HMCN1: variants seen among roughly 807,000 people sequenced by gnomAD.
The protein encoded by HMCN1 is hemicentin 1, also known as hemicentin-1.
Under a neutral mutation model 625.9 loss-of-function variants are expected in HMCN1, and 321 were observed. That is an observed-to-expected ratio of 0.51 (90% CI 0.47 to 0.56). The LOEUF (loss-of-function observed/expected upper bound fraction) is 0.56, where lower values mean the gene tolerates loss of function less well. HMCN1 is among the 20% of genes least tolerant of loss of function. HMCN1 has a pLI of 0.00. For synonymous variants in HMCN1, 2,425 were observed against 2,417.6 expected, an observed-to-expected ratio of 1.00 and a Z score of -0.09; for missense variants, 6,588 against 6,887.3, an observed-to-expected ratio of 0.96 and a Z score of 1.54.
intron 98 of HMCN1, among the ~76,000 whole-genome samples, chr1:186,165,525 C>T (rs528193557): frequency 6.6e-6 from 1 of 152,192 alleles, no homozygotes; most frequent in Non-Finnish European, 1.5e-5. Flanking sequence ...TGTGAGAGAG[C>T]CACAACATTA....
chr1:186,100,396 C>T (rs986415524), intron 68 of HMCN1, among the ~76,000 whole-genome samples: 3 of 152,050 alleles, frequency 2.0e-5, no homozygotes, highest in African/African-American at 7.2e-5. Context: ...TTAATTCTAT[C>T]CATGTGGTGG....
intron 36 of HMCN1, among the ~76,000 whole-genome samples, chr1:186,033,662 G>GTATTTAAATTGGC (rs1357803074): frequency 6.6e-6 from 1 of 151,938 alleles, no homozygotes; most frequent in Middle Eastern, 3.2e-3. Flanking sequence ...AGGGCCAATT[G>GTATTTAAATTGGC]TATTTAAAAT....
In HMCN1 at chr1:185,953,787, C is replaced by T. The variant is rs555929431; in HGVS notation, c.1829-8731C>T. Among the ~76,000 whole-genome samples the T allele has an allele frequency of 6.6e-5, 10 of 151,940 alleles. 1 individual carries two copies. Among genetic ancestry groups the T allele is most frequent in the African/African-American group, 2.2e-4 (9 of 41,266 alleles). ...TTTCATGCGCATCCGTGTGAAGAGA[C>T]CACCAAACAGGCTTTGTGTGAGCAA... On this transcript the variant is annotated intron_variant, in intron 11 of 106. Coordinates refer to ENST00000271588, the MANE Select transcript of HMCN1 (RefSeq NM_031935.3).
At position 185,996,591 on chromosome 1, in the gene HMCN1, C is replaced by T. The variant is rs150161290; in HGVS notation, c.3779-838C>T. Among the ~76,000 whole-genome samples the T allele has an allele frequency of 9.1e-3, 1,382 of 152,074 alleles. 16 individuals carry two copies. The highest frequency in any genetic ancestry group is 0.011 in the Non-Finnish European group (722 of 67,976). On this transcript the variant is annotated intron_variant, in intron 24 of 106. Coordinates refer to ENST00000271588, the MANE Select transcript of HMCN1 (RefSeq NM_031935.3). ...GTCACTCTTTTGGGAGGGAATCATT[C>T]GGCTAGAGAAGACAAGGGAAACTGG...
intron 4 of HMCN1, among the ~76,000 whole-genome samples, chr1:185,908,854 G>C (rs1666249463): frequency 6.7e-6 from 1 of 148,606 alleles, no homozygotes; most frequent in African/African-American, 2.5e-5. Flanking sequence ...TTATAATATA[G>C]TATAATACAA....
chr1:185,741,085 G>A (rs549671580), intron 1 of HMCN1, among the ~76,000 whole-genome samples: 48 of 152,236 alleles, frequency 3.2e-4, no homozygotes, highest in Admixed American at 2.6e-3. Flanking sequence ...CTTGCCATGT[G>A]ATCTCTTTGC....
chr1:185,753,017 G>A (rs764384123), intron 1 of HMCN1, among the ~76,000 whole-genome samples: 1 of 151,890 alleles, frequency 6.6e-6, no homozygotes, highest in African/African-American at 2.4e-5. Context: ...ATAATAAAAA[G>A]ATTAGTTTAA....
rs151018829 is a variant in HMCN1, at chr1:186,063,635, C to T, written c.7513+1035C>T. 3.3e-3 allele frequency among the ~76,000 whole-genome samples: 509 copies of T among 152,082 alleles called. 1 individual carries two copies. Among genetic ancestry groups the T allele is most frequent in the African/African-American group, 0.012 (484 of 41,484 alleles). On this transcript the variant is annotated intron_variant, in intron 48 of 106. Coordinates refer to ENST00000271588, the MANE Select transcript of HMCN1 (RefSeq NM_031935.3). ...TTTGTTTCCTTCCCTGTGTTTGTGCCTTCCTTTTCTTTTCCTTTTTTTCTT... is the reference window on the plus strand; with the variant it reads ...TTTGTTTCCTTCCCTGTGTTTGTGCTTTCCTTTTCTTTTCCTTTTTTTCTT...
Position 186,117,473 on chromosome 1 carries a change from G to A in HMCN1, c.11698G>A (p.Ala3900Thr). 1 of 1,613,662 alleles carries A rather than the reference G, an allele frequency of 6.2e-7. No individual in the cohort carries two copies. The highest frequency in any genetic ancestry group is 8.5e-7 in the Non-Finnish European group (1 of 1,179,754). ...DLTVQVPPSI[A>T]DEPTDFLVTK... is the part of the protein sequence containing the mutation. ...TGTTGTTTTAGTTCCACCTTCCATA[G>A]CTGATGAGCCTACAGATTTCCTAGT... The change falls in exon 77 of 107, where the codon GCT (alanine) becomes ACT (threonine). Residue 3900 changes from alanine to threonine, a missense_variant. Ala to Thr is a moderately conservative substitution (Grantham distance 58). This residue lies in a region of HMCN1 where 4,628 missense variants were observed against 4,853.1 expected (regional missense o/e 0.95). Transcript: ENST00000271588.
chr1:185,833,474 G>A (rs1660990843), intron 1 of HMCN1, among the ~76,000 whole-genome samples: 2 of 152,210 alleles, frequency 1.3e-5, no homozygotes, highest in Non-Finnish European at 2.9e-5. Context: ...ATAAAAAAGT[G>A]TCAGAAGTAG....
At chr1:186,089,455 C>G (rs1659711802) in intron 63 of HMCN1, among the ~76,000 whole-genome samples, 1 of 151,960 alleles carries the variant, frequency 6.6e-6, no homozygotes, top group Admixed American at 6.6e-5. Flanking sequence ...GTTGTGTGCT[C>G]TGCTAAAGCT....
chr1:186,041,208 A>C, intron 40 of HMCN1, 72 bp downstream of exon 40: 1 of 1,333,876 alleles, frequency 7.5e-7, no homozygotes, highest in Admixed American at 1.7e-5. Flanking sequence ...GAGAAAGTTA[A>C]GGGAAGTTGT....
chr1:185,910,830 A>C (rs1200118007), intron 5 of HMCN1, among the ~76,000 whole-genome samples: 2 of 152,016 alleles, frequency 1.3e-5, no homozygotes, highest in African/African-American at 4.8e-5. Flanking sequence ...CGGCCTCCCA[A>C]AGTGTTGGGA....
At chr1:185,934,805 A>C (rs191932755) in intron 11 of HMCN1, among the ~76,000 whole-genome samples, 1 of 152,212 alleles carries the variant, frequency 6.6e-6, no homozygotes, top group African/African-American at 2.4e-5. Context: ...AGGTTACCTA[A>C]GAAAATGACC....
chr1:186,004,468 C>T (rs1267717863), intron 29 of HMCN1, among the ~76,000 whole-genome samples: 1 of 151,912 alleles, frequency 6.6e-6, no homozygotes, highest in South Asian at 2.1e-4. Context: ...TTATAAATCA[C>T]TAATAAATAC....
chr1:186,132,502 T>C, intron 86 of HMCN1, 93 bp downstream of exon 86: 1 of 991,518 alleles, frequency 1.0e-6, no homozygotes, highest in South Asian at 1.4e-5. Flanking sequence ...AGCAAGTTCA[T>C]TAGTGGTAGC....
intron 102 of HMCN1, 140 bp downstream of exon 102, chr1:186,172,271 T>C (rs930391517): frequency 1.7e-6 from 2 of 1,178,982 alleles, no homozygotes; most frequent in African/African-American, 1.5e-5. Flanking sequence ...TCCCAACTTC[T>C]AGGATAATTG....
chr1:185,784,953 A>G (rs1297835433), intron 1 of HMCN1, among the ~76,000 whole-genome samples: 2 of 152,218 alleles, frequency 1.3e-5, no homozygotes, highest in Non-Finnish European at 2.9e-5. Context: ...GTGGAATCAT[A>G]GAGTATGTAC....
In HMCN1 at chr1:186,137,775, A is replaced by G. The variant is rs573106291; in HGVS notation, c.13754-27A>G. The G allele has an allele frequency of 5.6e-6, 9 of 1,614,066 alleles. No homozygotes were observed. In the East Asian group the frequency reaches 2.0e-4, roughly 36 times the overall value. ...AGTATTCCCAATTGAAATATACCTG[A>G]TGGTGTAATGGTTCACCTTTGTATA... On this transcript the variant is annotated intron_variant, in intron 88 of 106. Coordinates refer to ENST00000271588, the MANE Select transcript of HMCN1 (RefSeq NM_031935.3).
Sources: gnomAD v4.1 joint callset for allele counts (sites outside exome capture counted in the v4.1 genomes callset) on GRCh38, gnomAD v4.1.1 for gene constraint, gnomAD v4.1.1 regional missense constraint, MANE v1.5 for transcripts, NCBI Gene and HGNC (gene_info 2026-07-23, HGNC 2026-07-21) for gene names.